The following NELL1 variants were observed in gnomAD, a reference collection of about 807,000 sequenced individuals.
NELL1 encodes the protein neural EGFL like 1.
In NELL1, 76 loss-of-function variants were observed where a neutral mutation model predicts 107.4. The ratio of observed to expected loss-of-function variants is 0.71; its 90% CI spans 0.59 to 0.86. The LOEUF (loss-of-function observed/expected upper bound fraction) is 0.86, where lower values mean the gene tolerates loss of function less well. Among genes scored for constraint, NELL1 ranks in the 40% least tolerant of loss-of-function variants. The probability of loss-of-function intolerance (pLI) is 0.00; values close to 1 mark genes in which losing one functional copy is unlikely to be tolerated. For missense variants in NELL1, 1,024 were observed against 1,005.5 expected (o/e 1.02, Z -0.25); for synonymous variants, 353 against 341.2 (o/e 1.03, Z -0.38).
At chr11:20,875,162 AG>A (rs1251725969) in intron 4 of NELL1, among the ~76,000 whole-genome samples, 4 of 152,210 alleles carry the variant, frequency 2.6e-5, no homozygotes, top group Non-Finnish European at 5.9e-5. Flanking sequence ...TTGACCAAAA[AG>A]GTGTTTATTT....
chr11:21,157,223 C>A (rs150136232), intron 13 of NELL1, among the ~76,000 whole-genome samples: 1 of 150,942 alleles, frequency 6.6e-6, no homozygotes, highest in East Asian at 2.0e-4. Flanking sequence ...AGAAATGAAA[C>A]ATCCCCATGT....
chr11:20,897,594 G>A (rs1255078754), intron 5 of NELL1, among the ~76,000 whole-genome samples: 23 of 152,038 alleles, frequency 1.5e-4, no homozygotes, highest in Admixed American at 8.5e-4. Context: ...AAGAGCTTCT[G>A]CACAGCAAAA....
In NELL1 at chr11:21,057,941, G is replaced by C. The variant is rs77264275; in HGVS notation, c.1301-55648G>C. Among the ~76,000 whole-genome samples, 818 of 152,032 alleles carry C rather than the reference G, an allele frequency of 5.4e-3. 6 individuals are homozygous for C. Among genetic ancestry groups the C allele is most frequent in the African/African-American group, 0.019 (785 of 41,472 alleles). On this transcript the variant is annotated intron_variant, in intron 12 of 19. Coordinates refer to ENST00000357134, the MANE Select transcript of NELL1 (RefSeq NM_006157.5). ...TTTTTTCTTATGCTTTCTCCTATAG[G>C]CAGAGTTTGTTGATTAAAACCTGCT...
At chr11:20,683,677 C>T (rs1854241529) in intron 2 of NELL1, among the ~76,000 whole-genome samples, 2 of 151,948 alleles carry the variant, frequency 1.3e-5, no homozygotes, top group Non-Finnish European at 2.9e-5. Flanking sequence ...GTGATGAATT[C>T]TTTTAGATTT....
At chr11:21,355,508 T>C (rs1205339262) in intron 14 of NELL1, among the ~76,000 whole-genome samples, 1 of 152,168 alleles carries the variant, frequency 6.6e-6, no homozygotes, top group Non-Finnish European at 1.5e-5. Context: ...GATTAAGCAA[T>C]TTGGCAAAAT....
intron 14 of NELL1, among the ~76,000 whole-genome samples, chr11:21,357,967 T>A (rs995907583): frequency 6.6e-6 from 1 of 152,240 alleles, no homozygotes; most frequent in African/African-American, 2.4e-5. Context: ...GTATTTGGTG[T>A]TATTTCTGCT....
intron 15 of NELL1, among the ~76,000 whole-genome samples, chr11:21,488,832 AAAAG>A (rs1428742176): frequency 7.9e-5 from 12 of 152,136 alleles, no homozygotes; most frequent in African/African-American, 2.7e-4. Flanking sequence ...ACATCAAAAA[AAAAG>A]AAAGATTTCA....
intron 12 of NELL1, among the ~76,000 whole-genome samples, chr11:21,001,405 G>A (rs1386156747): frequency 1.3e-5 from 2 of 151,446 alleles, no homozygotes; most frequent in Non-Finnish European, 2.9e-5. Flanking sequence ...ATTTCCCAGA[G>A]CTAGGGGAAG....
At chr11:21,417,191 GTTTGTCTACCTC>G (rs978063455) in intron 15 of NELL1, among the ~76,000 whole-genome samples, 17 of 152,002 alleles carry the variant, frequency 1.1e-4, no homozygotes, top group African/African-American at 4.1e-4. Context: ...TCTTGCTCTT[GTTTGTCTACCTC>G]TTCTCCTCTC....
chr11:20,818,388 T>A (rs1004292695), intron 3 of NELL1, among the ~76,000 whole-genome samples: 4 of 146,510 alleles, frequency 2.7e-5, no homozygotes, highest in African/African-American at 1.0e-4. Flanking sequence ...TCATCCCATA[T>A]AAGAGAAGCA....
chr11:21,163,905 G>A (rs1004702901), intron 13 of NELL1, among the ~76,000 whole-genome samples: 4 of 151,854 alleles, frequency 2.6e-5, no homozygotes, highest in Admixed American at 1.3e-4. Flanking sequence ...AATTTTGAGG[G>A]GGGTGGGTAA....
At chr11:20,872,263 TC>T (rs1405002839) in intron 4 of NELL1, among the ~76,000 whole-genome samples, 2 of 148,418 alleles carry the variant, frequency 1.3e-5, no homozygotes, top group African/African-American at 5.0e-5. Flanking sequence ...AGCCTCAGCC[TC>T]CCTGGGCTCA....
intron 2 of NELL1, among the ~76,000 whole-genome samples, chr11:20,702,133 A>G (rs980012029): frequency 5.9e-5 from 9 of 152,094 alleles, no homozygotes; most frequent in Admixed American, 5.9e-4. Context: ...TGAGTTTCCT[A>G]TCCATGAGCA....
At chr11:21,333,290 G>C (rs918267511) in intron 14 of NELL1, among the ~76,000 whole-genome samples, 1 of 151,998 alleles carries the variant, frequency 6.6e-6, no homozygotes, top group Admixed American at 6.6e-5. Flanking sequence ...GAAAGACCTA[G>C]TTTTGAATTC....
intron 10 of NELL1, among the ~76,000 whole-genome samples, chr11:20,942,257 A>C (rs1374550350): frequency 6.6e-6 from 1 of 152,108 alleles, no homozygotes; most frequent in Non-Finnish European, 1.5e-5. Flanking sequence ...GAACCTCCCT[A>C]TTTTGATTCC....
At chr11:21,498,844 A>G (rs918648066) in intron 15 of NELL1, among the ~76,000 whole-genome samples, 1 of 152,024 alleles carries the variant, frequency 6.6e-6, no homozygotes, top group African/African-American at 2.4e-5. Flanking sequence ...AACCTGACCT[A>G]TGTGAACTGG....
chr11:20,694,805 A>G (rs1854571440), intron 2 of NELL1, among the ~76,000 whole-genome samples: 1 of 151,906 alleles, frequency 6.6e-6, no homozygotes, highest in African/African-American at 2.4e-5. Context: ...ATTTTAGTGT[A>G]GGTTTTTTTT....
intron 15 of NELL1, among the ~76,000 whole-genome samples, chr11:21,476,489 G>A (rs181008884): frequency 2.1e-3 from 313 of 152,254 alleles, no homozygotes; most frequent in Non-Finnish European, 3.4e-3. Flanking sequence ...ATGATAATAT[G>A]TTGATATCAT....
intron 13 of NELL1, among the ~76,000 whole-genome samples, chr11:21,216,960 C>T (rs1185555721): frequency 6.6e-6 from 1 of 152,084 alleles, no homozygotes; most frequent in African/African-American, 2.4e-5. Context: ...GCTGTTTTCC[C>T]ACCCAAATCT....
Sources: allele counts gnomAD v4.1 joint callset (sites outside exome capture counted in the v4.1 genomes callset), GRCh38; gene constraint gnomAD v4.1.1; transcripts MANE v1.5; gene names NCBI Gene and HGNC (gene_info 2026-07-23, HGNC 2026-07-21).